The following VWC2L variants were observed in gnomAD, a reference collection of about 807,000 sequenced individuals.
VWC2L encodes von Willebrand factor C domain-containing protein 2-like.
Under a neutral mutation model 21.6 loss-of-function variants are expected in VWC2L, and 10 were observed. The ratio of observed to expected loss-of-function variants is 0.46; its 90% CI spans 0.29 to 0.78. The LOEUF (loss-of-function observed/expected upper bound fraction) is 0.78, where lower values mean the gene tolerates loss of function less well. VWC2L is among the 30% of genes least tolerant of loss of function. The pLI, the probability that VWC2L is intolerant of heterozygous loss-of-function variation, is 0.10. For synonymous variants in VWC2L, 96 were observed against 94.3 expected, an observed-to-expected ratio of 1.02 and a Z score of -0.10; for missense variants, 209 against 277.1, an observed-to-expected ratio of 0.75 and a Z score of 1.74.
At chr2:214,436,282 C>A (rs11891820) in intron 2 of VWC2L, 38 of 182,064 alleles carry the variant, frequency 2.1e-4, no homozygotes, top group African/African-American at 8.8e-4. Context: ...CAGTAGAATG[C>A]CTGTTTACGA....
At position 214,575,965 on chromosome 2, in the gene VWC2L, A is replaced by G. The variant is rs1473646008; in HGVS notation, c.*145A>G. 7 of 861,308 alleles carry G rather than the reference A, an allele frequency of 8.1e-6. No homozygotes were observed. Among genetic ancestry groups the G allele is most frequent in the Admixed American group, 2.7e-5 (1 of 36,558 alleles). 53.4% of individuals were successfully genotyped at this position (861,308 alleles called of 1,614,324 possible). ...AACTTTCTAGGGTTGACAAAAGTGA[A>G]TATTTTCCTAAGAGGAAATTTCTTT... On this transcript the variant is annotated 3_prime_UTR_variant, in exon 4 of 4. Transcript: ENST00000312504.
chr2:214,544,501 C>A (rs1378996290), intron 3 of VWC2L, among the ~76,000 whole-genome samples: 1 of 152,118 alleles, frequency 6.6e-6, no homozygotes, highest in Non-Finnish European at 1.5e-5. Context: ...TCCTGACTGT[C>A]CTTCCCAGAA....
At position 214,429,177 on chromosome 2, in the gene VWC2L, A is replaced by G. The variant is rs560723034; in HGVS notation, c.391-7452A>G. Among the ~76,000 whole-genome samples, 24 of 152,344 alleles carry G rather than the reference A, an allele frequency of 1.6e-4. No homozygotes were observed. The East Asian group carries it at 4.4e-3, about 28-fold the overall frequency. ...ACAATCTCTCCTTTCCAGTGTCAAC[A>G]GAAAAGTTTTGAAGTTACACAGTTG... On this transcript the variant is annotated intron_variant, in intron 2 of 3. Transcript: ENST00000312504.
At chr2:214,446,303 T>C (rs1444407477) in intron 3 of VWC2L, among the ~76,000 whole-genome samples, 1 of 152,212 alleles carries the variant, frequency 6.6e-6, no homozygotes, top group Non-Finnish European at 1.5e-5. Context: ...AGGTCAGAAT[T>C]ATCATATTCT....
chr2:214,485,186 G>T (rs1688658574), intron 3 of VWC2L, among the ~76,000 whole-genome samples: 1 of 152,076 alleles, frequency 6.6e-6, no homozygotes, highest in Non-Finnish European at 1.5e-5. Flanking sequence ...TGGGCATGGT[G>T]GTGCATGCCT....
chr2:214,493,497 T>C (rs1688772272), intron 3 of VWC2L, among the ~76,000 whole-genome samples: 1 of 152,210 alleles, frequency 6.6e-6, no homozygotes, highest in African/African-American at 2.4e-5. Context: ...GTGCTGCTTT[T>C]CTCTCTATTC....
At chr2:214,477,292 T>C (rs1412903601) in intron 3 of VWC2L, among the ~76,000 whole-genome samples, 1 of 152,246 alleles carries the variant, frequency 6.6e-6, no homozygotes, top group Non-Finnish European at 1.5e-5. Flanking sequence ...GGAGCCAGGA[T>C]GTTCCCTCCT....
At chr2:214,505,573 C>T (rs964498889) in intron 3 of VWC2L, among the ~76,000 whole-genome samples, 1 of 151,982 alleles carries the variant, frequency 6.6e-6, no homozygotes, top group African/African-American at 2.4e-5. Flanking sequence ...GACATCTACA[C>T]AAAGCACAGT....
intron 3 of VWC2L, among the ~76,000 whole-genome samples, chr2:214,564,900 C>G (rs1690038269): frequency 6.6e-6 from 1 of 152,134 alleles, no homozygotes; most frequent in African/African-American, 2.4e-5. Context: ...CTTTCCCTAG[C>G]AAGACAGTGT....
chr2:214,530,286 G>A (rs1268197799), intron 3 of VWC2L, among the ~76,000 whole-genome samples: 1 of 152,124 alleles, frequency 6.6e-6, no homozygotes, highest in African/African-American at 2.4e-5. Flanking sequence ...GGTTAACAAA[G>A]ACAACCAGCA....
In VWC2L at chr2:214,411,250, G is replaced by T. The variant is rs1399699627; in HGVS notation, c.-617G>T. On this transcript the variant is annotated 5_prime_UTR_variant, in exon 1 of 4. Transcript: ENST00000312504. ...TTCACATCCACAGTTAGTATTTTCC[G>T]GTGTGTAAGAGGGGATTCAAGCAAC... 1 of 152,188 alleles carries T rather than the reference G, an allele frequency of 6.6e-6. No homozygotes were observed. Among genetic ancestry groups the T allele is most frequent in the Non-Finnish European group, 1.5e-5 (1 of 68,064 alleles). The allele number at this position is 152,188 out of a possible 1,614,324, so 9.4% of individuals were successfully genotyped here.
At chr2:214,447,543 C>A (rs773597043) in intron 3 of VWC2L, among the ~76,000 whole-genome samples, 1 of 152,112 alleles carries the variant, frequency 6.6e-6, no homozygotes, top group African/African-American at 2.4e-5. Context: ...CAGAGCCAAC[C>A]GCGCCCTACC....
Position 214,447,348 on chromosome 2 carries a change from A to T in VWC2L, c.520+10590A>T, listed in dbSNP as rs139870979. 7.0e-4 allele frequency among the ~76,000 whole-genome samples: 106 copies of T among 152,290 alleles called. 1 individual carries two copies. The highest frequency in any genetic ancestry group is 3.4e-3 in the Middle Eastern group (1 of 294). Reference sequence around the variant, plus strand: ...CTTCACAGAGCCCAGACATCCATGTATCTCTCAGAGGTACCCAGAGATCAA... The same window carrying T: ...CTTCACAGAGCCCAGACATCCATGTTTCTCTCAGAGGTACCCAGAGATCAA... On this transcript the variant is annotated intron_variant, in intron 3 of 3. Transcript: ENST00000312504.
At chr2:214,543,009 C>A (rs529050878) in intron 3 of VWC2L, among the ~76,000 whole-genome samples, 17 of 152,152 alleles carry the variant, frequency 1.1e-4, no homozygotes, top group Non-Finnish European at 1.8e-4. Flanking sequence ...ATGAAAAAAT[C>A]TTAATCCTGC....
intron 3 of VWC2L, among the ~76,000 whole-genome samples, chr2:214,573,463 A>G (rs899624560): frequency 2.6e-5 from 4 of 152,164 alleles, no homozygotes; most frequent in Non-Finnish European, 4.4e-5. Context: ...ACAAGGGGAC[A>G]GGTGGCAAGA....
chr2:214,567,615 G>GAT lies in VWC2L; in HGVS notation c.521-8055_521-8054dup, dbSNP rs1559333859. Among the ~76,000 whole-genome samples the GAT allele has an allele frequency of 8.3e-3, 1,099 of 132,024 alleles. 16 individuals carry two copies. The highest frequency in any genetic ancestry group is 0.029 in the African/African-American group (1,060 of 36,836). The allele number at this position is 132,024 out of a possible 152,430, so 86.6% of individuals were successfully genotyped here. A position where few individuals can be genotyped will look rare whatever the true frequency, so the allele number is the denominator to read the frequency against. ...ACACACAGAGAGAGAGAGAGAGAGAGATAATTAAAACATCATAGCCTTTTA... is the reference window on the plus strand; with the variant it reads ...ACACACAGAGAGAGAGAGAGAGAGAGATATAATTAAAACATCATAGCCTTTTA... On this transcript the variant is annotated intron_variant, in intron 3 of 3. Coordinates refer to ENST00000312504, the MANE Select transcript of VWC2L (RefSeq NM_001080500.4).
intron 3 of VWC2L, among the ~76,000 whole-genome samples, chr2:214,450,210 C>T (rs1186831878): frequency 6.6e-6 from 1 of 152,154 alleles, no homozygotes; most frequent in Non-Finnish European, 1.5e-5. Context: ...GCACGTGAGC[C>T]TTTCAAGCCA....
At chr2:214,533,213 G>A (rs1689469041) in intron 3 of VWC2L, among the ~76,000 whole-genome samples, 1 of 151,878 alleles carries the variant, frequency 6.6e-6, no homozygotes, top group South Asian at 2.1e-4. Context: ...TCTCTCCTGG[G>A]ATTGTTTTCA....
intron 3 of VWC2L, among the ~76,000 whole-genome samples, chr2:214,478,620 C>T (rs1688559881): frequency 6.6e-6 from 1 of 152,154 alleles, no homozygotes; most frequent in Non-Finnish European, 1.5e-5. Context: ...TACCCACTAC[C>T]ACACTGCAGC....
Sources: allele counts gnomAD v4.1 joint callset (sites outside exome capture counted in the v4.1 genomes callset), GRCh38; gene constraint gnomAD v4.1.1; transcripts MANE v1.5; gene names NCBI Gene and HGNC (gene_info 2026-07-23, HGNC 2026-07-21).